Variants in GHITM observed in about 807,000 individuals in gnomAD.
GHITM encodes the protein growth hormone inducible transmembrane protein.
In GHITM, 24 loss-of-function variants were observed where a neutral mutation model predicts 38.7. The observed-to-expected ratio is 0.62, with a 90% CI of 0.45 to 0.87. The LOEUF (loss-of-function observed/expected upper bound fraction) is 0.87, where lower values mean the gene tolerates loss of function less well. Among genes scored for constraint, GHITM ranks in the 40% least tolerant of loss-of-function variants. GHITM has a pLI of 0.00. For missense variants in GHITM, 420 were observed against 429.8 expected, an observed-to-expected ratio of 0.98 and a Z score of 0.20; for synonymous variants, 154 against 147.8, an observed-to-expected ratio of 1.04 and a Z score of -0.30.
intron 8 of GHITM, 31 bp from the exon 9 acceptor site, chr10:84,152,233 C>A: frequency 1.0e-6 from 1 of 979,106 alleles, no homozygotes; most frequent in Non-Finnish European, 1.6e-6. Context: ...AGAATTGCAT[C>A]ATATATAATG....
intron 1 of GHITM, chr10:84,139,986 G>A (rs1055297421): frequency 1.3e-5 from 2 of 152,440 alleles, no homozygotes; most frequent in Admixed American, 6.5e-5. Context: ...CGGGGACCAG[G>A]CACCCAAACT....
intron 3 of GHITM, among the ~76,000 whole-genome samples, chr10:84,143,451 C>T (rs1841527460): frequency 6.6e-6 from 1 of 152,170 alleles, no homozygotes; most frequent in Admixed American, 6.5e-5. Flanking sequence ...ATAAGATGCC[C>T]TTTATGAATA....
In GHITM at chr10:84,152,325, A is replaced by G; in HGVS notation, c.1015A>G (p.Thr339Ala). 1.2e-6 allele frequency: 2 copies of G among 1,602,074 alleles called. No individual in the cohort carries two copies. Among genetic ancestry groups the G allele is most frequent in the East Asian group, 2.2e-5 (1 of 44,760 alleles). ...IFMRVATMLA[T>A]GGNRKK ...TATGCGAGTTGCAACTATGCTGGCA[A>G]CTGGAGGCAACAGAAAGAAATGAAG... Residue 339 changes from threonine (T) to alanine (A), a missense_variant, in exon 9 of 9, where the codon ACT (threonine) becomes GCT (alanine). Transcript: ENST00000372134.
intron 4 of GHITM, 38 bp downstream of exon 4, chr10:84,144,144 C>T: frequency 7.7e-7 from 1 of 1,301,416 alleles, no homozygotes. Flanking sequence ...TCCTAAACAA[C>T]TCCAGCCTTA....
At chr10:84,139,706 G>C (rs1040731981) in intron 1 of GHITM, 113 bp downstream of exon 1, 4 of 152,516 alleles carry the variant, frequency 2.6e-5, no homozygotes, top group African/African-American at 9.6e-5. Context: ...GCTGCTGGCT[G>C]CGTCAGGGCC....
In GHITM at chr10:84,152,483, C is replaced by T. The variant is rs181016088; in HGVS notation, c.*135C>T. 16 of 485,010 alleles carry T rather than the reference C, an allele frequency of 3.3e-5. No homozygotes were observed. The highest frequency in any genetic ancestry group is 1.3e-4 in the East Asian group (4 of 30,846). The allele number at this position is 485,010 out of a possible 1,614,324, so 30.0% of individuals were successfully genotyped here. ...AACATGTCATCATATTTAAATGTTCCGGTAATGTGATGCCTCAGGTCTGCC... is the reference window on the plus strand; with the variant it reads ...AACATGTCATCATATTTAAATGTTCTGGTAATGTGATGCCTCAGGTCTGCC... On this transcript the variant is annotated 3_prime_UTR_variant, in exon 9 of 9. Transcript: ENST00000372134.
In GHITM at chr10:84,150,045, C is replaced by CT. The variant is rs771066199; in HGVS notation, c.593-7dup. On this transcript the variant is annotated splice_polypyrimidine_tract_variant and intron_variant, in intron 6 of 8. Coordinates refer to ENST00000372134, the MANE Select transcript of GHITM (RefSeq NM_014394.3). Reference sequence around the variant, plus strand: ...AGTAAATACTTAATGAGCACTTCCTCTTTCTCCAGGTGTGATGGGTGCAGT... The same window carrying CT: ...AGTAAATACTTAATGAGCACTTCCTCTTTTCTCCAGGTGTGATGGGTGCAGT... 43 of 1,493,428 alleles carry CT rather than the reference C, an allele frequency of 2.9e-5. No homozygotes were observed. The highest frequency in any genetic ancestry group is 1.1e-4 in the Admixed American group (5 of 44,832). 92.5% of individuals were successfully genotyped at this position (1,493,428 alleles called of 1,614,324 possible). A position where few individuals can be genotyped will look rare whatever the true frequency, so the allele number is the denominator to read the frequency against.
chr10:84,150,581 A>G, intron 7 of GHITM, 128 bp from the exon 8 acceptor site: 3 of 674,310 alleles, frequency 4.4e-6, no homozygotes, highest in South Asian at 2.0e-5. Flanking sequence ...TAGACAGTAC[A>G]TGTACCCAGA....
chr10:84,143,175 G>A (rs373528466), intron 3 of GHITM, among the ~76,000 whole-genome samples: 1 of 152,168 alleles, frequency 6.6e-6, no homozygotes, highest in South Asian at 2.1e-4. Context: ...AGGGCCTCAG[G>A]AGGGCAGTAC....
intron 6 of GHITM, among the ~76,000 whole-genome samples, chr10:84,149,466 C>T (rs1241642923): frequency 6.6e-6 from 1 of 152,054 alleles, no homozygotes; most frequent in East Asian, 1.9e-4. Context: ...CTTCTTAGCA[C>T]TGAAATAATG....
chr10:84,148,880 C>T, intron 6 of GHITM, 42 bp downstream of exon 6: 1 of 1,213,278 alleles, frequency 8.2e-7, no homozygotes, highest in Non-Finnish European at 1.2e-6. Flanking sequence ...CCTTGACTAC[C>T]ACCTTTTTTG....
chr10:84,146,569 T>A (rs1284588848), intron 5 of GHITM, among the ~76,000 whole-genome samples: 1 of 152,208 alleles, frequency 6.6e-6, no homozygotes, highest in African/African-American at 2.4e-5. Context: ...CTTTTTCACA[T>A]AGACGTCATG....
At position 84,141,625 on chromosome 10, in the gene GHITM, G is replaced by T. The variant is rs1841507599; in HGVS notation, c.125G>T (p.Ser42Ile). ...ITKNQWLLTPSREYATKTRIG... is the reference protein window; with the variant it reads ...ITKNQWLLTPIREYATKTRIG... ...AAGAATCAATGGCTGTTAACACCTA[G>T]CAGGGTAAAGATAATCTGAATGTTT... The change falls in exon 2 of 9, where the codon AGC becomes ATC. Residue 42 changes from serine to isoleucine, a missense_variant. Physicochemically the swap from Ser to Ile is moderately radical, Grantham distance 142. Coordinates refer to ENST00000372134, the MANE Select transcript of GHITM (RefSeq NM_014394.3). The T allele has an allele frequency of 3.7e-6, 6 of 1,613,790 alleles. No individual in the cohort carries two copies. The East Asian group carries it at 1.3e-4, about 36-fold the overall frequency.
At chr10:84,142,448 G>C (rs563577166) in intron 2 of GHITM, among the ~76,000 whole-genome samples, 1 of 152,294 alleles carries the variant, frequency 6.6e-6, no homozygotes, top group South Asian at 2.1e-4. Flanking sequence ...TCCAAAGGTG[G>C]AGCACAGGGA....
intron 5 of GHITM, among the ~76,000 whole-genome samples, chr10:84,146,860 G>A (rs1841561144): frequency 6.6e-6 from 1 of 152,158 alleles, no homozygotes; most frequent in Non-Finnish European, 1.5e-5. Flanking sequence ...TTTTGGGTGT[G>A]ACAGACATAT....
At chr10:84,151,256 G>T (rs1445794389) in intron 8 of GHITM, among the ~76,000 whole-genome samples, 1 of 152,078 alleles carries the variant, frequency 6.6e-6, no homozygotes, top group African/African-American at 2.4e-5. Context: ...TTTTGTTGGG[G>T]GGCAGAGGAG....
intron 3 of GHITM, 44 bp downstream of exon 3, chr10:84,142,798 G>A (rs1841520494): frequency 5.0e-6 from 5 of 994,658 alleles, no homozygotes; most frequent in Non-Finnish European, 6.3e-6. Flanking sequence ...CTATGGATAT[G>A]TTTTAAGAGG....
At chr10:84,141,695 G>T in intron 2 of GHITM, 66 bp downstream of exon 2, 1 of 1,494,798 alleles carries the variant, frequency 6.7e-7, no homozygotes, top group Admixed American at 1.7e-5. Context: ...TTTTGGCAGA[G>T]TATGGCTGCT....
chr10:84,144,086 T>C lies in GHITM; in HGVS notation c.321T>C (p.Ile107=). 1 of 1,610,480 alleles carries C rather than the reference T, an allele frequency of 6.2e-7. No homozygotes were observed. The highest frequency in any genetic ancestry group is 8.5e-7 in the Non-Finnish European group (1 of 1,176,648). The change falls in exon 4 of 9, where the codon ATT becomes ATC. Residue 107 remains isoleucine, a synonymous_variant. Transcript: ENST00000372134. ...CYYGLGLSNE[I]GAIEKAVIWP... is the part of the protein sequence containing the mutation. ...ATGGCTTGGGACTGTCTAATGAGAT[T>C]GGAGCTATTGAAAAGGCTGTGTAAG...
Sources: allele counts gnomAD v4.1 joint callset (sites outside exome capture counted in the v4.1 genomes callset), GRCh38; gene constraint gnomAD v4.1.1; transcripts MANE v1.5; gene names NCBI Gene and HGNC (gene_info 2026-07-23, HGNC 2026-07-21).